GRM7: variants seen among roughly 807,000 people sequenced by gnomAD.
The protein encoded by GRM7 is glutamate metabotropic receptor 7, also known as metabotropic glutamate receptor 7.
Under a neutral mutation model 84.5 loss-of-function variants are expected in GRM7, and 35 were observed. The ratio of observed to expected loss-of-function variants is 0.41; its 90% CI spans 0.32 to 0.55. The LOEUF is 0.55. Ranked by LOEUF, GRM7 falls within the 20% of genes least tolerant of loss-of-function variation. The pLI is 0.19. For missense variants in GRM7, 1,003 were observed against 1,194.6 expected, an observed-to-expected ratio of 0.84 and a Z score of 2.36; for synonymous variants, 487 against 455.1, an observed-to-expected ratio of 1.07 and a Z score of -0.89.
rs1559514542 is a variant in GRM7 at position 7,229,738 on chromosome 3, TATATATATATATATATATA to T, written c.737-68945_737-68927del. Among the ~76,000 whole-genome samples, 57 of 27,104 alleles carry T rather than the reference TATATATATATATATATATA, an allele frequency of 2.1e-3. 4 individuals carry two copies. The highest frequency in any genetic ancestry group is 3.7e-3 in the Non-Finnish European group (50 of 13,686). The allele number at this position is 27,104 out of a possible 152,430, so 17.8% of individuals were successfully genotyped here. ...CCATAGACACACACATATATATATA[TATATATATATATATATATA>T]TATTTTTTTTTTTTTTTGGTTGACA... On this transcript the variant is annotated intron_variant, in intron 2 of 9. Coordinates refer to ENST00000357716, the MANE Select transcript of GRM7 (RefSeq NM_000844.4).
intron 7 of GRM7, among the ~76,000 whole-genome samples, chr3:7,562,799 C>T (rs1694086372): frequency 6.6e-6 from 1 of 152,090 alleles, no homozygotes; most frequent in African/African-American, 2.4e-5. Flanking sequence ...ATCTCAAAGT[C>T]TTCAGTACAC....
chr3:7,546,699 T>G (rs570943073), intron 7 of GRM7, among the ~76,000 whole-genome samples: 25 of 142,500 alleles, frequency 1.8e-4, no homozygotes, highest in Admixed American at 1.2e-3. Flanking sequence ...AAGCCTAGAG[T>G]TTTTTTTTTT....
chr3:7,058,173 C>A (rs1227931189), intron 1 of GRM7, among the ~76,000 whole-genome samples: 2 of 151,684 alleles, frequency 1.3e-5, no homozygotes, highest in African/African-American at 2.4e-5. Context: ...CATTTTTTTT[C>A]TAGGCTACCT....
chr3:7,414,107 T>C (rs1005335319), intron 4 of GRM7, among the ~76,000 whole-genome samples: 1 of 152,194 alleles, frequency 6.6e-6, no homozygotes, highest in Non-Finnish European at 1.5e-5. Context: ...ATAAAATACT[T>C]CTTATTTTTG....
intron 1 of GRM7, among the ~76,000 whole-genome samples, chr3:6,890,593 G>T (rs1430025838): frequency 6.6e-6 from 1 of 152,186 alleles, no homozygotes; most frequent in Non-Finnish European, 1.5e-5. Context: ...TGTGGTCTGA[G>T]AGACAGTTTG....
intron 1 of GRM7, among the ~76,000 whole-genome samples, chr3:6,923,027 T>A (rs1575018638): frequency 2.6e-5 from 4 of 152,264 alleles, no homozygotes; most frequent in Admixed American, 2.6e-4. Flanking sequence ...ATCTTTTTCT[T>A]TTTTTTGCAA....
chr3:7,174,315 C>G (rs1460613990), intron 2 of GRM7, among the ~76,000 whole-genome samples: 1 of 152,068 alleles, frequency 6.6e-6, no homozygotes, highest in Non-Finnish European at 1.5e-5. Context: ...TACTTTTATT[C>G]TGTAAAGAAA....
rs1261185272 is a variant in GRM7, at chr3:7,383,910, C to T, written c.1034-31113C>T. 2.6e-5 allele frequency among the ~76,000 whole-genome samples: 4 copies of T among 152,264 alleles called. No individual in the cohort carries two copies. In the East Asian group the frequency reaches 7.7e-4, roughly 29 times the overall value. On this transcript the variant is annotated intron_variant, in intron 4 of 9. Coordinates refer to ENST00000357716, the MANE Select transcript of GRM7 (RefSeq NM_000844.4). ...AGCTTCGTGGAGTTTACCTTTTTAA[C>T]CTAAGTATATTTAAAATTCTCACTA...
At chr3:6,983,808 T>A (rs1473576921) in intron 1 of GRM7, among the ~76,000 whole-genome samples, 1 of 152,148 alleles carries the variant, frequency 6.6e-6, no homozygotes, top group African/African-American at 2.4e-5. Flanking sequence ...GTTTTGTTTT[T>A]TTTTTGTTTT....
intron 1 of GRM7, among the ~76,000 whole-genome samples, chr3:7,078,038 C>T (rs1349592450): frequency 6.6e-6 from 1 of 152,168 alleles, no homozygotes; most frequent in Non-Finnish European, 1.5e-5. Context: ...AATAACAGCA[C>T]AGGCATTGGG....
intron 1 of GRM7, among the ~76,000 whole-genome samples, chr3:7,038,944 C>T (rs555728870): frequency 3.3e-5 from 5 of 152,018 alleles, no homozygotes; most frequent in Non-Finnish European, 5.9e-5. Flanking sequence ...GCAACATAAT[C>T]GTCTCCTGGA....
intron 1 of GRM7, among the ~76,000 whole-genome samples, chr3:7,061,016 G>T (rs180750304): frequency 6.6e-6 from 1 of 151,838 alleles, no homozygotes; most frequent in East Asian, 2.0e-4. Context: ...GCAATTTAAT[G>T]CCCTTTTAGG....
chr3:7,525,300 C>T (rs1310948122), intron 7 of GRM7, among the ~76,000 whole-genome samples: 1 of 151,930 alleles, frequency 6.6e-6, no homozygotes, highest in African/African-American at 2.4e-5. Context: ...GTACACGTGT[C>T]GGAATTCTCT....
At chr3:7,370,157 T>A (rs1164324032) in intron 4 of GRM7, among the ~76,000 whole-genome samples, 1 of 152,056 alleles carries the variant, frequency 6.6e-6, no homozygotes, top group African/African-American at 2.4e-5. Context: ...TACTAAAAGG[T>A]TTTTTTGGGT....
chr3:7,303,986 T>G (rs1299530040), intron 3 of GRM7, among the ~76,000 whole-genome samples: 1 of 151,944 alleles, frequency 6.6e-6, no homozygotes, highest in East Asian at 1.9e-4. Flanking sequence ...GTTTTACATC[T>G]AAAAAATGTT....
intron 3 of GRM7, among the ~76,000 whole-genome samples, chr3:7,305,349 T>TCCTGCCTGGAAGAAAAAAAAGTAGAAC (rs1486852422): frequency 9.6e-5 from 5 of 52,026 alleles, no homozygotes; most frequent in South Asian, 6.2e-4. Flanking sequence ...TTTTCTTTTT[T>TCCTGCCTGGAAGAAAAAAAAGTAGAAC]TTTTTTTTTA....
chr3:7,389,640 G>T (rs558772439), intron 4 of GRM7, among the ~76,000 whole-genome samples: 80 of 151,920 alleles, frequency 5.3e-4, no homozygotes, highest in Non-Finnish European at 8.8e-4. Flanking sequence ...TCTGTTATTG[G>T]TTTAAAGTCT....
chr3:7,365,640 CGTGT>C (rs199842461), intron 4 of GRM7, among the ~76,000 whole-genome samples: 3 of 100,812 alleles, frequency 3.0e-5, no homozygotes, highest in Non-Finnish European at 4.0e-5. Context: ...TGTGTGTGTG[CGTGT>C]GTGTATATAT....
intron 8 of GRM7, among the ~76,000 whole-genome samples, chr3:7,605,588 G>C (rs1170751436): frequency 1.3e-5 from 2 of 152,120 alleles, no homozygotes; most frequent in African/African-American, 4.8e-5. Flanking sequence ...ATGTCAAGTA[G>C]AGAGATTACA....
Sources: allele counts gnomAD v4.1 joint callset (sites outside exome capture counted in the v4.1 genomes callset), GRCh38; gene constraint gnomAD v4.1.1; transcripts MANE v1.5; gene names NCBI Gene and HGNC (gene_info 2026-07-23, HGNC 2026-07-21).